The following DNAH2 variants were observed in gnomAD, a reference collection of about 807,000 sequenced individuals.
The protein encoded by DNAH2 is dynein axonemal heavy chain 2, also known as axonemal beta dynein heavy chain 2.
In DNAH2, 323 loss-of-function variants were observed where a neutral mutation model predicts 523.5. The ratio of observed to expected loss-of-function variants is 0.62; its 90% CI spans 0.56 to 0.68. DNAH2 has a LOEUF of 0.68. Ranked by LOEUF, DNAH2 falls within the 30% of genes least tolerant of loss-of-function variation. The probability of loss-of-function intolerance (pLI) is 0.00; values close to 1 mark genes in which losing one functional copy is unlikely to be tolerated. For missense variants in DNAH2, 4,907 were observed against 5,701.5 expected (o/e 0.86, Z 4.49); for synonymous variants, 2,093 against 2,177.4 (o/e 0.96, Z 1.08).
chr17:7,752,267 A>G (rs1169143998), intron 12 of DNAH2, among the ~76,000 whole-genome samples: 3 of 151,498 alleles, frequency 2.0e-5, no homozygotes, highest in Admixed American at 1.3e-4. Flanking sequence ...TGATGATAAT[A>G]TCTACCTAGT....
chr17:7,748,694 C>T (rs1379783615), intron 12 of DNAH2, among the ~76,000 whole-genome samples: 1 of 152,026 alleles, frequency 6.6e-6, no homozygotes, highest in Non-Finnish European at 1.5e-5. Flanking sequence ...TGGGTTTTCA[C>T]CATGTTGCCC....
At chr17:7,734,099 C>T in intron 5 of DNAH2, 84 bp from the exon 6 acceptor site, 1 of 1,206,166 alleles carries the variant, frequency 8.3e-7, no homozygotes, top group Non-Finnish European at 1.2e-6. Flanking sequence ...TTCCTGGTCC[C>T]CTACCGATCA....
Position 7,780,564 on chromosome 17 carries a change from T to A in DNAH2, c.5851-66T>A, listed in dbSNP as rs1402412233. On this transcript the variant is annotated intron_variant, in intron 37 of 85. Coordinates refer to ENST00000572933, the MANE Select transcript of DNAH2 (RefSeq NM_020877.5). The surrounding 1 kb of genome is among the most constrained non-coding windows in gnomAD (Gnocchi z 4.4). ...GGACCTGGCTTCTTGTCTCTGACTG[T>A]CCTGAGATGAAGCAGAGGGATTTGT... 6.3e-7 allele frequency: 1 copy of A among 1,597,550 alleles called. No homozygotes were observed. Among genetic ancestry groups the A allele is most frequent in the East Asian group, 2.2e-5 (1 of 44,678 alleles).
chr17:7,831,341 G>C lies in DNAH2; in HGVS notation c.12459+27G>C. ...TAAAAAGAGCCGGGCCTGGGGGAGGGAAAGTGATGAGAAGAGGGGGCTACA... is the reference window on the plus strand; with the variant it reads ...TAAAAAGAGCCGGGCCTGGGGGAGGCAAAGTGATGAGAAGAGGGGGCTACA... On this transcript the variant is annotated intron_variant, in intron 80 of 85. Coordinates refer to ENST00000572933, the MANE Select transcript of DNAH2 (RefSeq NM_020877.5). The surrounding 1 kb of genome is among the most constrained non-coding windows in gnomAD (Gnocchi z 4.2). 6.2e-7 allele frequency: 1 copy of C among 1,613,952 alleles called. No homozygotes were observed. Among genetic ancestry groups the C allele is most frequent in the Non-Finnish European group, 8.5e-7 (1 of 1,179,930 alleles).
intron 29 of DNAH2, 108 bp from the exon 30 acceptor site, chr17:7,775,133 T>G: frequency 7.8e-7 from 1 of 1,284,422 alleles, no homozygotes; most frequent in Non-Finnish European, 1.1e-6. Context: ...ATTGGTAATA[T>G]TGAGAGGAGG....
At chr17:7,791,790 C>T (rs531762440) in intron 44 of DNAH2, 127 bp from the exon 45 acceptor site, 23 of 916,802 alleles carry the variant, frequency 2.5e-5, no homozygotes, top group East Asian at 1.5e-4. Context: ...GAAAACTGTG[C>T]GATTTTCCAA....
chr17:7,793,508 TTTCTTTC>T (rs1329788623), intron 48 of DNAH2, among the ~76,000 whole-genome samples: 1 of 135,814 alleles, frequency 7.4e-6, no homozygotes, highest in Non-Finnish European at 1.7e-5. Flanking sequence ...TCTTTCTTTC[TTTCTTTC>T]TTCTCTTTCT....
Position 7,741,294 on chromosome 17 carries a change from C to CTCT in DNAH2, c.1689+303_1689+304insCTT, listed in dbSNP as rs1567624858. 9.8e-5 allele frequency among the ~76,000 whole-genome samples: 5 copies of CTCT among 51,268 alleles called. 1 individual carries two copies. The highest frequency in any genetic ancestry group is 5.4e-4 in the African/African-American group (5 of 9,312). 33.6% of individuals were successfully genotyped at this position (51,268 alleles called of 152,430 possible). ...TCTTTCTTTCTTTCTTTCTTTCTTTCTTCCTTCCTTCCCTCCCTCCCTCCC... is the reference window on the plus strand; with the variant it reads ...TCTTTCTTTCTTTCTTTCTTTCTTTCTCTTTCCTTCCTTCCCTCCCTCCCTCCC... On this transcript the variant is annotated intron_variant, in intron 11 of 85. Coordinates refer to ENST00000572933, the MANE Select transcript of DNAH2 (RefSeq NM_020877.5).
At chr17:7,793,301 C>T (rs1006261337) in intron 48 of DNAH2, 96 bp downstream of exon 48, 2 of 1,273,880 alleles carry the variant, frequency 1.6e-6, no homozygotes, top group Non-Finnish European at 2.1e-6. Context: ...GTCCTGTCAT[C>T]TTGGATTCCT....
rs769615709 is a variant in DNAH2 at position 7,774,867 on chromosome 17, T to C, written c.4610T>C (p.Leu1537Ser). The C allele has an allele frequency of 6.2e-7, 1 of 1,614,228 alleles. No individual in the cohort carries two copies. Among genetic ancestry groups the C allele is most frequent in the Non-Finnish European group, 8.5e-7 (1 of 1,180,044 alleles). Residue 1537 changes from leucine to serine, a missense_variant, in exon 29 of 86, where the codon TTG becomes TCG. Physicochemically the swap from Leu to Ser is moderately radical, Grantham distance 145. Transcript: ENST00000572933. ...CATATTTTCCCCCGCTTCTACTTCT[T>C]GTCCAATGATGACCTGCTGGAGATT... ...KRHIFPRFYF[L>S]SNDDLLEILG...
rs536427615 is a variant in DNAH2, at chr17:7,772,796, G to A, written c.4501+1328G>A. Among the ~76,000 whole-genome samples the A allele has an allele frequency of 4.0e-5, 6 of 151,852 alleles. No individual in the cohort carries two copies. The South Asian group carries it at 1.0e-3, about 26-fold the overall frequency. On this transcript the variant is annotated intron_variant, in intron 28 of 85. Transcript: ENST00000572933. The stretch of plus-strand genomic sequence containing the variant: ...TGTTTGTTTGTTTGTTTTTTAAGAC[G>A]GAGTTTTGCTCTCGTTGCCCAGGCT...
At chr17:7,758,460 G>C (rs746959478) in intron 13 of DNAH2, 35 bp from the exon 14 acceptor site, 1 of 1,596,888 alleles carries the variant, frequency 6.3e-7, no homozygotes, top group African/African-American at 1.3e-5. Flanking sequence ...TTCAGGGCTT[G>C]TCCCCTCTGG....
chr17:7,758,860 C>A, intron 14 of DNAH2, 25 bp from the exon 15 acceptor site: 1 of 1,611,128 alleles, frequency 6.2e-7, no homozygotes, highest in Non-Finnish European at 8.5e-7. Context: ...AGCTGAAACT[C>A]CCCCATGACG....
chr17:7,719,716 T>C lies in DNAH2; in HGVS notation c.-14-5T>C. On this transcript the variant is annotated splice_region_variant and splice_polypyrimidine_tract_variant and intron_variant, in intron 1 of 85. Transcript: ENST00000572933. ...TGTAGACTCTCCACTCCTGTATACC[T>C]GTAGGTTTTGCCTGCACGATGTCCA... 1 of 1,614,188 alleles carries C rather than the reference T, an allele frequency of 6.2e-7. No individual in the cohort carries two copies. The highest frequency in any genetic ancestry group is 8.5e-7 in the Non-Finnish European group (1 of 1,180,034).
chr17:7,833,337 C>T, intron 85 of DNAH2, 42 bp from the exon 86 acceptor site: 3 of 1,610,278 alleles, frequency 1.9e-6, no homozygotes, highest in South Asian at 1.1e-5. Context: ...CCTGCTCTCC[C>T]GGAGGCTCCA....
chr17:7,803,597 G>A (rs949769264), intron 58 of DNAH2, among the ~76,000 whole-genome samples: 15 of 152,156 alleles, frequency 9.9e-5, no homozygotes, highest in African/African-American at 3.1e-4. Flanking sequence ...TTGAACCCGG[G>A]AGGTGGAGGT....
chr17:7,829,951 A>G (rs1253695771), intron 77 of DNAH2, among the ~76,000 whole-genome samples: 1 of 148,912 alleles, frequency 6.7e-6, no homozygotes, highest in African/African-American at 2.5e-5. Flanking sequence ...GCTTGAATCC[A>G]GGAGGCAGAG....
Position 7,792,542 on chromosome 17 carries a change from G to T in DNAH2, c.7146-115G>T, listed in dbSNP as rs758668996. 1.5e-4 allele frequency: 150 copies of T among 1,024,238 alleles called. No homozygotes were observed. The highest frequency in any genetic ancestry group is 2.1e-4 in the Non-Finnish European group (147 of 688,186). 63.4% of individuals were successfully genotyped at this position (1,024,238 alleles called of 1,614,324 possible). On this transcript the variant is annotated intron_variant, in intron 46 of 85. Coordinates refer to ENST00000572933, the MANE Select transcript of DNAH2 (RefSeq NM_020877.5). ...TCTGAGGGGAGCACATGATCCCCAG[G>T]CCCCACAGGAGGGCAGGGTGCTGAT...
chr17:7,782,964 C>T lies in DNAH2; in HGVS notation c.6129+1797C>T, dbSNP rs528256998. On this transcript the variant is annotated intron_variant, in intron 39 of 85. Transcript: ENST00000572933. ...GCAAGGGGGAGGCTACAGTAATCCT[C>T]GGGGTGTTGGTGAATGGAGGTCACA... Among the ~76,000 whole-genome samples the T allele has an allele frequency of 1.9e-4, 29 of 152,266 alleles. No homozygotes were observed. The South Asian group carries it at 5.2e-3, about 27-fold the overall frequency.
Sources: gnomAD v4.1 joint callset for allele counts (sites outside exome capture counted in the v4.1 genomes callset) on GRCh38, gnomAD v4.1.1 for gene constraint, Gnocchi (gnomAD v3.1) non-coding constraint, MANE v1.5 for transcripts, NCBI Gene and HGNC (gene_info 2026-07-23, HGNC 2026-07-21) for gene names.